GVQW3: variants seen among roughly 807,000 people sequenced by gnomAD.
The protein encoded by GVQW3 is GVQW motif containing 3.
Under a neutral mutation model 12.5 loss-of-function variants are expected in GVQW3, and 7 were observed. That is an observed-to-expected ratio of 0.56 (90% CI 0.32 to 1.05). The LOEUF is 1.05. Ranked by LOEUF, GVQW3 falls within the 50% of genes least tolerant of loss-of-function variation. The pLI is 0.04. For synonymous variants in GVQW3, 71 were observed against 67.2 expected (o/e 1.06, Z -0.28); for missense variants, 188 against 190.8 (o/e 0.99, Z 0.09).
chr11:76,395,294 C>G (rs1386294218), intron 1 of GVQW3, among the ~76,000 whole-genome samples: 1 of 152,208 alleles, frequency 6.6e-6, no homozygotes. Context: ...CAGTCATTCT[C>G]CATTCTCTCT....
chr11:76,396,158 C>G (rs886882523), intron 1 of GVQW3, among the ~76,000 whole-genome samples: 14 of 152,054 alleles, frequency 9.2e-5, no homozygotes, highest in Admixed American at 6.5e-5. Flanking sequence ...TGAACTTTTC[C>G]TTTTATCATT....
chr11:76,401,346 TA>T (rs1371692789), intron 1 of GVQW3, among the ~76,000 whole-genome samples: 3 of 152,192 alleles, frequency 2.0e-5, no homozygotes, highest in East Asian at 1.9e-4. Context: ...TTCCTCAGGA[TA>T]TTTTTTTTTC....
chr11:76,382,053 C>A lies in GVQW3; in HGVS notation c.225C>A (p.Ile75=). 6.5e-7 allele frequency: 1 copy of A among 1,536,520 alleles called. No individual in the cohort carries two copies. The highest frequency in any genetic ancestry group is 8.7e-7 in the Non-Finnish European group (1 of 1,147,004). ...TCACCCACCGAACAGATGACAATATCCAGAAGGTCAAGGACTTGGTTTGTT... is the reference window on the plus strand; with the variant it reads ...TCACCCACCGAACAGATGACAATATACAGAAGGTCAAGGACTTGGTTTGTT... ...RPVTHRTDDN[I]QKVKDLVCSN... is the part of the protein sequence containing the mutation. The change falls in exon 1 of 2, where the codon ATC becomes ATA. Residue 75 remains isoleucine, a synonymous_variant. Coordinates refer to ENST00000529331, the MANE Select transcript of GVQW3 (RefSeq NM_001347885.2).
downstream of GVQW3, among the ~76,000 whole-genome samples, chr11:76,409,852 G>A (rs1590828282): frequency 6.6e-6 from 1 of 152,134 alleles, no homozygotes; most frequent in African/African-American, 2.4e-5. Context: ...ATTTGGAATT[G>A]AAAACAATTT....
chr11:76,401,788 A>AG (rs34557216), intron 1 of GVQW3, among the ~76,000 whole-genome samples: 90 of 150,962 alleles, frequency 6.0e-4, no homozygotes, highest in African/African-American at 1.8e-3. Flanking sequence ...AAAAAAAAAA[A>AG]AAAGAAAGAA....
chr11:76,385,076 A>G lies in GVQW3; in HGVS notation c.465+2783A>G, dbSNP rs1946818996. Reference sequence around the variant, plus strand: ...CAGGGCTGGTATGTCCCTGCCAGTGATGCTGGACCAAGACCCATGGTGGAG... The same window carrying G: ...CAGGGCTGGTATGTCCCTGCCAGTGGTGCTGGACCAAGACCCATGGTGGAG... On this transcript the variant is annotated intron_variant, in intron 1 of 1. Coordinates refer to ENST00000529331, the MANE Select transcript of GVQW3 (RefSeq NM_001347885.2). 2.0e-5 allele frequency among the ~76,000 whole-genome samples: 3 copies of G among 152,210 alleles called. No individual in the cohort carries two copies. In the South Asian group the frequency reaches 6.2e-4, roughly 31 times the overall value.
At chr11:76,382,561 T>C (rs1590812797) in intron 1 of GVQW3, 5 of 599,046 alleles carry the variant, frequency 8.3e-6, no homozygotes, top group South Asian at 6.1e-5. Flanking sequence ...CACTCCTCCC[T>C]ATGTGCCATG....
In GVQW3 at chr11:76,404,412, T is replaced by C. The variant is rs2134564252; in HGVS notation, c.*654T>C. 1 of 159,552 alleles carries C rather than the reference T, an allele frequency of 6.3e-6. No individual in the cohort carries two copies. The highest frequency in any genetic ancestry group is 1.8e-4 in the East Asian group (1 of 5,552). 9.9% of individuals were successfully genotyped at this position (159,552 alleles called of 1,614,324 possible). On this transcript the variant is annotated 3_prime_UTR_variant, in exon 2 of 2. Transcript: ENST00000529331. ...CATCTAAAAGGTAGCTCAGTATCTC[T>C]GCCTTCTCTCCATTGTTAGCCTTGA...
intron 1 of GVQW3, among the ~76,000 whole-genome samples, chr11:76,400,609 C>T (rs1201365864): frequency 1.3e-5 from 2 of 150,978 alleles, no homozygotes; most frequent in Admixed American, 6.6e-5. Flanking sequence ...TTAGTAGAGC[C>T]GGAGTTTCAC....
downstream of GVQW3, among the ~76,000 whole-genome samples, chr11:76,409,452 A>G (rs916429806): frequency 6.6e-6 from 1 of 152,258 alleles, no homozygotes; most frequent in Non-Finnish European, 1.5e-5. Flanking sequence ...AACAAAAGGA[A>G]GGAAACTGTG....
At chr11:76,392,481 T>C (rs1946901807) in intron 1 of GVQW3, 1 of 152,196 alleles carries the variant, frequency 6.6e-6, no homozygotes, top group Admixed American at 6.5e-5. Context: ...ATCGCACATT[T>C]AGTTGGTGGC....
chr11:76,384,615 G>A (rs920952665), intron 1 of GVQW3, among the ~76,000 whole-genome samples: 4 of 152,162 alleles, frequency 2.6e-5, no homozygotes, highest in African/African-American at 9.7e-5. Context: ...GAGCCACCAC[G>A]CCGGGTCAAC....
intron 1 of GVQW3, chr11:76,395,192 C>A (rs559097865): frequency 6.6e-6 from 1 of 152,318 alleles, no homozygotes; most frequent in East Asian, 1.9e-4. Context: ...ATCTCAGTTG[C>A]ATTTAGTGCA....
intron 1 of GVQW3, among the ~76,000 whole-genome samples, chr11:76,391,901 C>T (rs1946896018): frequency 6.6e-6 from 1 of 152,190 alleles, no homozygotes; most frequent in Admixed American, 6.5e-5. Flanking sequence ...TTGCAGTGAG[C>T]TGAGATCGTG....
downstream of GVQW3, chr11:76,408,181 G>C (rs1054228872): frequency 6.6e-6 from 1 of 152,178 alleles, no homozygotes; most frequent in Admixed American, 6.5e-5. Flanking sequence ...GGGTTCTGAG[G>C]GTTTAGTGGA....
At chr11:76,391,549 T>G (rs762989889) in intron 1 of GVQW3, among the ~76,000 whole-genome samples, 1 of 152,192 alleles carries the variant, frequency 6.6e-6, no homozygotes, top group African/African-American at 2.4e-5. Context: ...TTTTGTCCAT[T>G]GTAGAAAATT....
chr11:76,403,189 G>A (rs535828606), intron 1 of GVQW3, among the ~76,000 whole-genome samples: 3 of 152,080 alleles, frequency 2.0e-5, no homozygotes, highest in East Asian at 3.9e-4. Context: ...CTCATGATCC[G>A]CCTGCCTCAG....
In GVQW3 at chr11:76,401,465, T is replaced by G. The variant is rs930010302; in HGVS notation, c.466-2195T>G. 2.6e-5 allele frequency among the ~76,000 whole-genome samples: 4 copies of G among 152,254 alleles called. No homozygotes were observed. The South Asian group carries it at 6.2e-4, about 24-fold the overall frequency. ...GCCTAACCTATGAATTTTAATGATC[T>G]GGACCAATTTTTCTGTTAATTTATC... On this transcript the variant is annotated intron_variant, in intron 1 of 1. Transcript: ENST00000529331.
intron 1 of GVQW3, among the ~76,000 whole-genome samples, chr11:76,390,775 T>C (rs958704411): frequency 1.3e-5 from 2 of 150,918 alleles, no homozygotes; most frequent in African/African-American, 4.9e-5. Flanking sequence ...TGCAGTGGGC[T>C]GAGATTGCGC....
Sources: gnomAD v4.1 joint callset for allele counts (sites outside exome capture counted in the v4.1 genomes callset) on GRCh38, gnomAD v4.1.1 for gene constraint, MANE v1.5 for transcripts, NCBI Gene and HGNC (gene_info 2026-07-23, HGNC 2026-07-21) for gene names.